The following EPAS1 variants were observed in gnomAD, a reference collection of about 807,000 sequenced individuals.
EPAS1 encodes the protein endothelial PAS domain protein 1.
Under a neutral mutation model 87.9 loss-of-function variants are expected in EPAS1, and 23 were observed. The observed-to-expected ratio is 0.26, with a 90% confidence interval of 0.19 to 0.37. The LOEUF is 0.37. EPAS1 is among the 10% of genes least tolerant of loss of function. The probability of loss-of-function intolerance (pLI) is 1.00; values close to 1 mark genes in which losing one functional copy is unlikely to be tolerated. For missense variants in EPAS1, 1,138 were observed against 1,120.7 expected (o/e 1.02, Z -0.22); for synonymous variants, 508 against 444.3 (o/e 1.14, Z -1.80).
chr2:46,319,295 G>C (rs965435513), intron 1 of EPAS1, among the ~76,000 whole-genome samples: 2 of 152,180 alleles, frequency 1.3e-5, no homozygotes, highest in Admixed American at 1.3e-4. Context: ...TTTGAGCCAG[G>C]AGCTGCTAGC....
rs747090917 is a variant in EPAS1, at chr2:46,360,793, G to A, written c.573+37G>A. ...TCAGGCCTGGGTTGGAGTCCCAGGT[G>A]TAGGGTAACGGCGGTGCAGGGGATG... On this transcript the variant is annotated intron_variant, in intron 5 of 15. Transcript: ENST00000263734. This position sits in a 1 kb window ranked among gnomAD's most constrained non-coding sequence, Gnocchi z 4.5. 2 of 1,612,482 alleles carry A rather than the reference G, an allele frequency of 1.2e-6. No individual in the cohort carries two copies. The highest frequency in any genetic ancestry group is 2.2e-5 in the East Asian group (1 of 44,878).
chr2:46,345,315 G>A (rs930628067), intron 1 of EPAS1, among the ~76,000 whole-genome samples: 2 of 152,060 alleles, frequency 1.3e-5, no homozygotes, highest in African/African-American at 2.4e-5. Flanking sequence ...CATTAAATAC[G>A]CAATATAGGT....
intron 6 of EPAS1, among the ~76,000 whole-genome samples, chr2:46,361,340 A>G (rs527870270): frequency 3.9e-5 from 6 of 152,236 alleles, no homozygotes; most frequent in African/African-American, 9.6e-5. Context: ...AACTCTTCTC[A>G]TCATTGTGGT....
intron 13 of EPAS1, 61 bp downstream of exon 13, chr2:46,381,783 TGAGAGGG>T: frequency 6.2e-7 from 1 of 1,607,308 alleles, no homozygotes; most frequent in Non-Finnish European, 8.5e-7. Context: ...CCAGGGCTGC[TGAGAGGG>T]GTGGGGATGT....
chr2:46,308,461 G>GT (rs1553388760), intron 1 of EPAS1, among the ~76,000 whole-genome samples: 26 of 38,780 alleles, frequency 6.7e-4, no homozygotes, highest in Middle Eastern at 0.026. Context: ...GCTTTTTTTT[G>GT]GGGGGGGGGG....
chr2:46,359,675 T>A (rs1396630483), intron 4 of EPAS1, among the ~76,000 whole-genome samples: 1 of 152,124 alleles, frequency 6.6e-6, no homozygotes, highest in East Asian at 1.9e-4. Flanking sequence ...TCTGGAAGTT[T>A]AAGTGCAGGG....
At chr2:46,299,937 T>C (rs1682963615) in intron 1 of EPAS1, among the ~76,000 whole-genome samples, 1 of 152,224 alleles carries the variant, frequency 6.6e-6, no homozygotes, top group Non-Finnish European at 1.5e-5. Flanking sequence ...GCGAAACGCC[T>C]TGGAGGCCGC....
At chr2:46,354,429 G>A (rs913695593) in intron 2 of EPAS1, among the ~76,000 whole-genome samples, 1 of 151,978 alleles carries the variant, frequency 6.6e-6, no homozygotes, top group African/African-American at 2.4e-5. Context: ...GTTAAATAAT[G>A]AACTAGGAGA....
At chr2:46,364,188 C>T (rs1190618707) in intron 6 of EPAS1, among the ~76,000 whole-genome samples, 1 of 152,176 alleles carries the variant, frequency 6.6e-6, no homozygotes, top group Non-Finnish European at 1.5e-5. Flanking sequence ...AGGGGTTCTC[C>T]ATTTTAATCA....
intron 2 of EPAS1, among the ~76,000 whole-genome samples, chr2:46,352,890 G>A (rs565383783): frequency 1.4e-4 from 21 of 152,308 alleles, no homozygotes; most frequent in Admixed American, 5.9e-4. Context: ...TGCTGTAGCC[G>A]ATTTCGCCAC....
chr2:46,334,811 T>A (rs1479479103), intron 1 of EPAS1, among the ~76,000 whole-genome samples: 5 of 152,246 alleles, frequency 3.3e-5, no homozygotes, highest in African/African-American at 1.2e-4. Flanking sequence ...AAAAGACTTT[T>A]AGCATTTCCT....
intron 12 of EPAS1, chr2:46,381,151 G>T (rs1684880934): frequency 5.7e-6 from 2 of 348,514 alleles, no homozygotes; most frequent in Non-Finnish European, 1.1e-5. Flanking sequence ...CTAGGCTCCA[G>T]AAATGCCTTC....
At chr2:46,348,387 C>G (rs1045107824) in intron 2 of EPAS1, among the ~76,000 whole-genome samples, 10 of 152,164 alleles carry the variant, frequency 6.6e-5, no homozygotes, top group African/African-American at 9.7e-5. Flanking sequence ...CTGGGAGACT[C>G]CATCACAGGG....
In EPAS1 at chr2:46,347,180, C is replaced by T. The variant is rs774648030; in HGVS notation, c.217+117C>T. On this transcript the variant is annotated intron_variant, in intron 2 of 15. Transcript: ENST00000263734. The surrounding 1 kb of genome is among the most constrained non-coding windows in gnomAD (Gnocchi z 4.2). ...AAGTCACCCCACTACAGAACTTTCACCCACAGAAACACCATCATGAGTGAT... is the reference window on the plus strand; with the variant it reads ...AAGTCACCCCACTACAGAACTTTCATCCACAGAAACACCATCATGAGTGAT... 4.7e-6 allele frequency: 5 copies of T among 1,063,544 alleles called. No homozygotes were observed. Among genetic ancestry groups the T allele is most frequent in the South Asian group, 2.6e-5 (2 of 78,402 alleles). 65.9% of individuals were successfully genotyped at this position (1,063,544 alleles called of 1,614,324 possible).
intron 1 of EPAS1, among the ~76,000 whole-genome samples, chr2:46,324,530 A>T (rs141570908): frequency 1.3e-5 from 2 of 152,230 alleles, no homozygotes; most frequent in African/African-American, 4.8e-5. Context: ...CTGAGAACAG[A>T]CTGGTTTAAG....
At position 46,345,580 on chromosome 2, in the gene EPAS1, G is replaced by A. The variant is rs181440070; in HGVS notation, c.27-1293G>A. Among the ~76,000 whole-genome samples the A allele has an allele frequency of 2.0e-5, 3 of 151,960 alleles. No homozygotes were observed. The East Asian group carries it at 5.8e-4, about 29-fold the overall frequency. On this transcript the variant is annotated intron_variant, in intron 1 of 15. Coordinates refer to ENST00000263734, the MANE Select transcript of EPAS1 (RefSeq NM_001430.5). ...GGGCAGTTTCCTCATATGTAAATTA[G>A]GTATAATAATAATAATAATAATGCC...
intron 6 of EPAS1, among the ~76,000 whole-genome samples, chr2:46,361,681 A>G (rs1442594146): frequency 6.6e-6 from 1 of 152,196 alleles, no homozygotes; most frequent in Non-Finnish European, 1.5e-5. Context: ...GGGCTTCAGG[A>G]CTAGATGGCT....
intron 6 of EPAS1, among the ~76,000 whole-genome samples, chr2:46,365,323 C>T (rs1439381709): frequency 1.3e-5 from 2 of 152,180 alleles, no homozygotes; most frequent in Non-Finnish European, 2.9e-5. Context: ...AACTTTAGGG[C>T]AACCCTGTTT....
chr2:46,363,701 T>A (rs975669681), intron 6 of EPAS1, among the ~76,000 whole-genome samples: 5 of 152,210 alleles, frequency 3.3e-5, no homozygotes, highest in Non-Finnish European at 7.3e-5. Flanking sequence ...GTATCAAGCC[T>A]CGTGATTTAG....
Sources: gnomAD v4.1 joint callset for allele counts (sites outside exome capture counted in the v4.1 genomes callset) on GRCh38, gnomAD v4.1.1 for gene constraint, Gnocchi (gnomAD v3.1) non-coding constraint, MANE v1.5 for transcripts, NCBI Gene and HGNC (gene_info 2026-07-23, HGNC 2026-07-21) for gene names.